The following CPNE4 variants were observed in gnomAD, a reference collection of about 807,000 sequenced individuals.
The protein encoded by CPNE4 is copine-4.
CPNE4 carries 25 observed loss-of-function variants against 67.9 expected under a neutral mutation model. The ratio of observed to expected loss-of-function variants is 0.37; its 90% confidence interval spans 0.27 to 0.51. CPNE4 has a LOEUF of 0.51. Ranked by LOEUF, CPNE4 falls within the 20% of genes least tolerant of loss-of-function variation. The pLI is 0.93. For missense variants in CPNE4, 464 were observed against 690.8 expected, an observed-to-expected ratio of 0.67 and a Z score of 3.68; for synonymous variants, 242 against 244.9, an observed-to-expected ratio of 0.99 and a Z score of 0.11.
At chr3:131,845,482 A>T (rs2085961076) in intron 2 of CPNE4, among the ~76,000 whole-genome samples, 1 of 152,198 alleles carries the variant, frequency 6.6e-6, no homozygotes, top group Non-Finnish European at 1.5e-5. Flanking sequence ...TCACCCATTT[A>T]ATCATAGTCA....
At chr3:131,842,106 T>C (rs2085809261) in intron 2 of CPNE4, among the ~76,000 whole-genome samples, 1 of 152,164 alleles carries the variant, frequency 6.6e-6, no homozygotes, top group Admixed American at 6.5e-5. Flanking sequence ...GGCCAACCTG[T>C]CTACCACAAA....
At chr3:131,680,363 C>A (rs1390622422) in intron 6 of CPNE4, among the ~76,000 whole-genome samples, 2 of 151,332 alleles carry the variant, frequency 1.3e-5, no homozygotes, top group African/African-American at 4.9e-5. Context: ...AGACTACGTA[C>A]CAAAACCCAT....
At chr3:131,698,649 C>T (rs1044256038) in intron 4 of CPNE4, among the ~76,000 whole-genome samples, 2 of 150,312 alleles carry the variant, frequency 1.3e-5, no homozygotes, top group African/African-American at 4.9e-5. Context: ...CAGTGGCTCA[C>T]ACCTGTAATC....
intron 1 of CPNE4, among the ~76,000 whole-genome samples, chr3:131,930,549 C>G (rs1271068596): frequency 6.6e-6 from 1 of 152,106 alleles, no homozygotes; most frequent in Non-Finnish European, 1.5e-5. Flanking sequence ...TCTAATTGCA[C>G]AACTGTCCTT....
At position 131,570,213 on chromosome 3, in the gene CPNE4, C is replaced by A. The variant is rs555565236; in HGVS notation, c.927+4858G>T. On this transcript the variant is annotated intron_variant, in intron 10 of 15. Transcript: ENST00000429747. ...AGACATTTAGGTTGCTGACAGAGTG[C>A]CTGTGTAAAAATCTGTGTTACAATG... Among the ~76,000 whole-genome samples the A allele has an allele frequency of 4.2e-4, 64 of 151,778 alleles. 1 individual carries two copies. In the South Asian group the frequency reaches 0.013, roughly 31 times the overall value.
chr3:131,585,488 G>A (rs1202715097), intron 8 of CPNE4, among the ~76,000 whole-genome samples: 5 of 152,178 alleles, frequency 3.3e-5, no homozygotes, highest in Admixed American at 3.3e-4. Context: ...AAGCACATTA[G>A]CATATGGTCC....
chr3:132,018,554 C>G (rs80171076), intron 1 of CPNE4, among the ~76,000 whole-genome samples: 4,555 of 152,210 alleles, frequency 0.03, 234 homozygotes, highest in African/African-American at 0.1. Context: ...CCCTAGCACC[C>G]CTCATCTTTA....
chr3:131,644,908 T>G (rs115949250), intron 7 of CPNE4, among the ~76,000 whole-genome samples: 147 of 152,326 alleles, frequency 9.7e-4, no homozygotes, highest in African/African-American at 3.5e-3. Context: ...CAACTGTAGA[T>G]AATTTAATTG....
chr3:131,675,499 G>T (rs1227521455), intron 6 of CPNE4, among the ~76,000 whole-genome samples: 3 of 152,016 alleles, frequency 2.0e-5, no homozygotes, highest in Non-Finnish European at 4.4e-5. Context: ...CTTCAGTATT[G>T]GGTGCACATG....
chr3:131,796,316 C>T (rs1258510445), intron 2 of CPNE4, among the ~76,000 whole-genome samples: 5 of 152,124 alleles, frequency 3.3e-5, no homozygotes, highest in Admixed American at 2.0e-4. Context: ...TGGTCACTAC[C>T]GACCTCCCTT....
chr3:131,829,271 T>A (rs1818485), intron 2 of CPNE4, among the ~76,000 whole-genome samples: 148,109 of 152,308 alleles, frequency 0.97, 72,163 homozygotes, highest in East Asian at 1. Flanking sequence ...AGCAAACCAC[T>A]TCAAATACTT....
chr3:131,582,600 A>T (rs895364917), intron 8 of CPNE4, among the ~76,000 whole-genome samples: 1 of 152,156 alleles, frequency 6.6e-6, no homozygotes, highest in African/African-American at 2.4e-5. Context: ...GTGTCCATGC[A>T]TTTGTGTAGC....
At chr3:131,788,606 T>G (rs912943642) in intron 2 of CPNE4, among the ~76,000 whole-genome samples, 6 of 152,106 alleles carry the variant, frequency 3.9e-5, no homozygotes, top group Non-Finnish European at 7.4e-5. Context: ...ATGCATAAAG[T>G]CTTTCATCCA....
chr3:131,728,660 C>G (rs1047446961), intron 2 of CPNE4, among the ~76,000 whole-genome samples: 16 of 151,954 alleles, frequency 1.1e-4, no homozygotes, highest in Non-Finnish European at 4.4e-5. Flanking sequence ...CCTATAATCC[C>G]AGCACTTTGG....
At chr3:131,702,531 G>A (rs941106281) in intron 3 of CPNE4, among the ~76,000 whole-genome samples, 1 of 152,100 alleles carries the variant, frequency 6.6e-6, no homozygotes, top group Non-Finnish European at 1.5e-5. Flanking sequence ...AAACAAATCT[G>A]GTCTCAGAAA....
chr3:131,664,407 T>G (rs907532203), intron 7 of CPNE4, among the ~76,000 whole-genome samples: 3 of 152,186 alleles, frequency 2.0e-5, no homozygotes, highest in African/African-American at 7.2e-5. Context: ...GAGGTACATA[T>G]TTCTGGGAGA....
chr3:131,558,480 T>C (rs575972163), intron 11 of CPNE4, among the ~76,000 whole-genome samples: 1 of 152,068 alleles, frequency 6.6e-6, no homozygotes, highest in African/African-American at 2.4e-5. Context: ...AGGGGTATAT[T>C]ACCACATGGG....
At chr3:131,610,116 C>A (rs948037446) in intron 7 of CPNE4, among the ~76,000 whole-genome samples, 5 of 152,082 alleles carry the variant, frequency 3.3e-5, no homozygotes, top group Non-Finnish European at 5.9e-5. Context: ...CTTTTTCCCT[C>A]CTTTCACAAA....
chr3:131,541,411 T>C (rs540738918), intron 15 of CPNE4, among the ~76,000 whole-genome samples: 1 of 152,166 alleles, frequency 6.6e-6, no homozygotes, highest in African/African-American at 2.4e-5. Flanking sequence ...ACTAGAGCAT[T>C]GTCTAATGGT....
Sources: allele counts gnomAD v4.1 joint callset (sites outside exome capture counted in the v4.1 genomes callset), GRCh38; gene constraint gnomAD v4.1.1; transcripts MANE v1.5; gene names NCBI Gene and HGNC (gene_info 2026-07-23, HGNC 2026-07-21).